NKAPD1: variants seen among roughly 807,000 people sequenced by gnomAD.
NKAPD1 encodes the protein uncharacterized protein NKAPD1.
Under a neutral mutation model 30.9 loss-of-function variants are expected in NKAPD1, and 12 were observed. That is an observed-to-expected ratio of 0.39 (90% CI 0.25 to 0.63). The LOEUF (loss-of-function observed/expected upper bound fraction) is 0.63. Ranked by LOEUF, NKAPD1 falls within the 20% of genes least tolerant of loss-of-function variation. The pLI is 0.51. For synonymous variants in NKAPD1, 91 were observed against 113.6 expected, an observed-to-expected ratio of 0.80 and a Z score of 1.26; for missense variants, 311 against 344.5, an observed-to-expected ratio of 0.90 and a Z score of 0.77.
At chr11:112,075,533 T>A in intron 1 of NKAPD1, 34 bp from the exon 2 acceptor site, 1 of 1,503,588 alleles carries the variant, frequency 6.7e-7, no homozygotes, top group Non-Finnish European at 9.2e-7. Flanking sequence ...ATAACAGAAA[T>A]TATTACTAAA....
chr11:112,085,079 C>T lies in NKAPD1; in HGVS notation c.*2107C>T. Reference sequence around the variant, plus strand: ...ATTAAAAGAAGAGTTGGAGAATTCACACTTATTGAGTAACTGATGTCATAC... The same window carrying T: ...ATTAAAAGAAGAGTTGGAGAATTCATACTTATTGAGTAACTGATGTCATAC... On this transcript the variant is annotated 3_prime_UTR_variant, in exon 6 of 6. Transcript: ENST00000393047. 1 of 422,602 alleles carries T rather than the reference C, an allele frequency of 2.4e-6. No homozygotes were observed. Among genetic ancestry groups the T allele is most frequent in the Non-Finnish European group, 4.2e-6 (1 of 236,878 alleles). 26.2% of individuals were successfully genotyped at this position (422,602 alleles called of 1,614,324 possible).
intron 2 of NKAPD1, among the ~76,000 whole-genome samples, chr11:112,076,837 C>T (rs1349754378): frequency 6.6e-6 from 1 of 152,122 alleles, no homozygotes; most frequent in African/African-American, 2.4e-5. Flanking sequence ...GATGACAATT[C>T]TGTTAATTGA....
chr11:112,082,901 A>G lies in NKAPD1; in HGVS notation c.811A>G (p.Arg271Gly). ...TGTAGCCAACAATGAAATACAGGAGAGGACAAACAAACGCACAAATTGGAA... is the reference window on the plus strand; with the variant it reads ...TGTAGCCAACAATGAAATACAGGAGGGGACAAACAAACGCACAAATTGGAA... ...TSVANNEIQERTNKRTNWKVA... is the reference protein window; with the variant it reads ...TSVANNEIQEGTNKRTNWKVA... The change falls in exon 6 of 6, where the codon AGG becomes GGG. Residue 271 changes from arginine (R) to glycine (G), a missense_variant. By Grantham distance (125) the Arg-to-Gly change is moderately radical (BLOSUM62 -2). Coordinates refer to ENST00000393047, the MANE Select transcript of NKAPD1 (RefSeq NM_018195.4). 1.2e-6 allele frequency: 2 copies of G among 1,610,424 alleles called. No homozygotes were observed. Among genetic ancestry groups the G allele is most frequent in the Non-Finnish European group, 8.5e-7 (1 of 1,179,206 alleles).
Position 112,083,819 on chromosome 11 carries a change from A to G in NKAPD1, c.*847A>G, listed in dbSNP as rs2135257246. 1 of 152,710 alleles carries G rather than the reference A, an allele frequency of 6.5e-6. No individual in the cohort carries two copies. The highest frequency in any genetic ancestry group is 2.4e-5 in the African/African-American group (1 of 41,568). The allele number at this position is 152,710 out of a possible 1,614,324, so 9.5% of individuals were successfully genotyped here. A position where few individuals can be genotyped will look rare whatever the true frequency, so the allele number is the denominator to read the frequency against. On this transcript the variant is annotated 3_prime_UTR_variant, in exon 6 of 6. Transcript: ENST00000393047. ...CTGCCATTTAAATGTTGTCTTGTTCATTTCTAAATCTGTTCATGAAGTTTA... is the reference window on the plus strand; with the variant it reads ...CTGCCATTTAAATGTTGTCTTGTTCGTTTCTAAATCTGTTCATGAAGTTTA...
At chr11:112,081,522 A>G (rs1486939135) in intron 4 of NKAPD1, 2 of 157,950 alleles carry the variant, frequency 1.3e-5, no homozygotes, top group East Asian at 1.9e-4. Flanking sequence ...AGTCCCAGCT[A>G]CTCGGGAGGC....
At chr11:112,075,728 CA>C in intron 2 of NKAPD1, 85 bp downstream of exon 2, 3 of 1,382,102 alleles carry the variant, frequency 2.2e-6, no homozygotes, top group South Asian at 1.3e-5. Context: ...CTGGGAGATA[CA>C]AAGAATATTC....
At chr11:112,082,138 T>A in intron 5 of NKAPD1, 103 bp downstream of exon 5, 1 of 990,930 alleles carries the variant, frequency 1.0e-6, no homozygotes, top group Non-Finnish European at 1.5e-6. Context: ...ATCAAAAATG[T>A]AGCTAGAGAA....
intron 1 of NKAPD1, among the ~76,000 whole-genome samples, chr11:112,075,335 G>C (rs952028186): frequency 1.3e-5 from 2 of 152,166 alleles, no homozygotes; most frequent in Admixed American, 1.3e-4. Context: ...TTAATTTTAT[G>C]TAGTCTTGTG....
rs1344473572 is a variant in NKAPD1 at position 112,074,514 on chromosome 11, C to G, written c.-411C>G. The G allele has an allele frequency of 2.5e-6, 1 of 398,980 alleles. No homozygotes were observed. Among genetic ancestry groups the G allele is most frequent in the Non-Finnish European group, 4.4e-6 (1 of 226,142 alleles). 24.7% of individuals were successfully genotyped at this position (398,980 alleles called of 1,614,324 possible). ...AAACCTCAACCCCCGCTTCAGGCTC[C>G]CTAGATACTTTCTGGGGCCCAACCG... On this transcript the variant is annotated 5_prime_UTR_variant, in exon 1 of 6. Transcript: ENST00000393047.
intron 3 of NKAPD1, among the ~76,000 whole-genome samples, 156 bp from the exon 4 acceptor site, chr11:112,080,247 GAGGAGC>G (rs895154629): frequency 2.6e-5 from 4 of 151,276 alleles, no homozygotes; most frequent in African/African-American, 9.7e-5. Flanking sequence ...AATGTATAGA[GAGGAGC>G]AGATAATGTC....
intron 3 of NKAPD1, among the ~76,000 whole-genome samples, chr11:112,080,027 C>T (rs1865412391): frequency 6.6e-6 from 1 of 152,112 alleles, no homozygotes; most frequent in African/African-American, 2.4e-5. Context: ...GTCCCCCAGG[C>T]TGGTCTTGAA....
In NKAPD1 at chr11:112,082,695, A is replaced by G; in HGVS notation, c.605A>G (p.Gln202Arg). The change falls in exon 6 of 6, where the codon CAA (glutamine) becomes CGA (arginine). Residue 202 changes from glutamine to arginine, a missense_variant. Gln to Arg is a conservative substitution (Grantham distance 43). Coordinates refer to ENST00000393047, the MANE Select transcript of NKAPD1 (RefSeq NM_018195.4). ...TGASGTRKGK[Q>R]PHKRKKKSRK... ...GCTTCTGGTACAAGGAAAGGGAAACAACCACATAAACGCAAGAAAAAATCC... is the reference window on the plus strand; with the variant it reads ...GCTTCTGGTACAAGGAAAGGGAAACGACCACATAAACGCAAGAAAAAATCC... 6.2e-7 allele frequency: 1 copy of G among 1,614,118 alleles called. No homozygotes were observed.
chr11:112,083,848 T>A lies in NKAPD1; in HGVS notation c.*876T>A, dbSNP rs1265629287. On this transcript the variant is annotated 3_prime_UTR_variant, in exon 6 of 6. Coordinates refer to ENST00000393047, the MANE Select transcript of NKAPD1 (RefSeq NM_018195.4). ...CTAAATCTGTTCATGAAGTTTAGGT[T>A]TTCCCTGAAACTAAGTTGAATTATT... The A allele has an allele frequency of 6.6e-6, 1 of 152,596 alleles. No individual in the cohort carries two copies. The highest frequency in any genetic ancestry group is 1.5e-5 in the Non-Finnish European group (1 of 68,030). The allele number at this position is 152,596 out of a possible 1,614,324, so 9.5% of individuals were successfully genotyped here. A position where few individuals can be genotyped will look rare whatever the true frequency, so the allele number is the denominator to read the frequency against.
chr11:112,081,839 T>C, intron 4 of NKAPD1, 143 bp from the exon 5 acceptor site: 2 of 666,756 alleles, frequency 3.0e-6, no homozygotes, highest in Non-Finnish European at 5.4e-6. Context: ...GTTACTGAGC[T>C]ATAATGGGGG....
rs1865561126 is a variant in NKAPD1 at position 112,085,116 on chromosome 11, T to G, written c.*2144T>G. The G allele has an allele frequency of 6.3e-6, 3 of 476,216 alleles. No individual in the cohort carries two copies. The East Asian group carries it at 9.3e-5, about 15-fold the overall frequency. The allele number at this position is 476,216 out of a possible 1,614,324, so 29.5% of individuals were successfully genotyped here. A position where few individuals can be genotyped will look rare whatever the true frequency, so the allele number is the denominator to read the frequency against. On this transcript the variant is annotated 3_prime_UTR_variant, in exon 6 of 6. Coordinates refer to ENST00000393047, the MANE Select transcript of NKAPD1 (RefSeq NM_018195.4). ...AACTGATGTCATACAACCTGGAATT[T>G]CTGAATTCCAAATAAATAAATTTCA...
chr11:112,080,870 G>A (rs1004132622), intron 4 of NKAPD1: 3 of 327,842 alleles, frequency 9.2e-6, no homozygotes, highest in East Asian at 1.5e-4. Flanking sequence ...ACCGCATATT[G>A]TATGATTCTA....
chr11:112,082,597 A>C lies in NKAPD1; in HGVS notation c.507A>C (p.Lys169Asn). Residue 169 changes from lysine to asparagine, a missense_variant, in exon 6 of 6, where the codon AAA becomes AAC. By Grantham distance (94) the Lys-to-Asn change is moderately conservative. Coordinates refer to ENST00000393047, the MANE Select transcript of NKAPD1 (RefSeq NM_018195.4). ...KKKQKKRSHK[K>N]QKKSKKEATD... ...AGCAGAAAAAAAGGTCACACAAAAA[A>C]CAGAAGAAAAGCAAAAAGGAAGCCA... The C allele has an allele frequency of 6.2e-7, 1 of 1,613,434 alleles. No homozygotes were observed. The highest frequency in any genetic ancestry group is 8.5e-7 in the Non-Finnish European group (1 of 1,179,922).
In NKAPD1 at chr11:112,075,548, AT is replaced by A. The variant is rs1204655934; in HGVS notation, c.-8-16del. ...ATAACAGAAATTATTACTAAACGTT[AT>A]TTGTTGATTCATTTCAGATTGAAGA... On this transcript the variant is annotated intron_variant, in intron 1 of 5. Transcript: ENST00000393047. 6.4e-7 allele frequency: 1 copy of A among 1,554,350 alleles called. No homozygotes were observed. The highest frequency in any genetic ancestry group is 1.7e-5 in the Admixed American group (1 of 57,730).
Position 112,084,483 on chromosome 11 carries a change from T to C in NKAPD1, c.*1511T>C, listed in dbSNP as rs1865532905. 1 of 152,606 alleles carries C rather than the reference T, an allele frequency of 6.6e-6. No homozygotes were observed. The highest frequency in any genetic ancestry group is 1.5e-5 in the Non-Finnish European group (1 of 68,034). The allele number at this position is 152,606 out of a possible 1,614,324, so 9.5% of individuals were successfully genotyped here. The stretch of plus-strand genomic sequence containing the variant: ...TTGGTACTCAATTGTCAGTGTTCCA[T>C]GGTGTGTATTTTTATTTTTGGGATT... On this transcript the variant is annotated 3_prime_UTR_variant, in exon 6 of 6. Coordinates refer to ENST00000393047, the MANE Select transcript of NKAPD1 (RefSeq NM_018195.4).
Sources: allele counts gnomAD v4.1 joint callset (sites outside exome capture counted in the v4.1 genomes callset), GRCh38; gene constraint gnomAD v4.1.1; transcripts MANE v1.5; gene names NCBI Gene and HGNC (gene_info 2026-07-23, HGNC 2026-07-21).